Variants in METTL25 observed in about 807,000 individuals in gnomAD.
METTL25 encodes the protein probable methyltransferase-like protein 25.
Under a neutral mutation model 71.6 loss-of-function variants are expected in METTL25, and 64 were observed. The observed-to-expected ratio is 0.89, with a 90% CI of 0.73 to 1.10. The LOEUF is 1.10. Ranked by LOEUF, METTL25 falls within the 50% of genes least tolerant of loss-of-function variation. The pLI, the probability that METTL25 is intolerant of heterozygous loss-of-function variation, is 0.00. For synonymous variants in METTL25, 287 were observed against 250.3 expected, an observed-to-expected ratio of 1.15 and a Z score of -1.38; for missense variants, 807 against 707.0, an observed-to-expected ratio of 1.14 and a Z score of -1.60.
chr12:82,470,710 C>T (rs377699862), intron 9 of METTL25, among the ~76,000 whole-genome samples: 8 of 152,236 alleles, frequency 5.3e-5, no homozygotes, highest in African/African-American at 1.9e-4. Flanking sequence ...GCCTTCAAAC[C>T]ACTTATATAT....
At chr12:82,422,525 A>T (rs1052388663) in intron 5 of METTL25, among the ~76,000 whole-genome samples, 5 of 152,174 alleles carry the variant, frequency 3.3e-5, no homozygotes, top group African/African-American at 1.2e-4. Flanking sequence ...TATTCAACAT[A>T]GTGTTGGAAG....
intron 2 of METTL25, among the ~76,000 whole-genome samples, chr12:82,389,239 CAT>C (rs1885348191): frequency 6.6e-6 from 1 of 152,096 alleles, no homozygotes; most frequent in African/African-American, 2.4e-5. Context: ...AAACTAGCCA[CAT>C]GTGGCTGTTG....
At chr12:82,442,631 G>A (rs1361483052) in intron 8 of METTL25, among the ~76,000 whole-genome samples, 1 of 152,118 alleles carries the variant, frequency 6.6e-6, no homozygotes, top group East Asian at 1.9e-4. Context: ...AGTGATCCTT[G>A]TGGTGATGGA....
At chr12:82,397,773 G>T (rs903066208) in intron 3 of METTL25, among the ~76,000 whole-genome samples, 8 of 151,680 alleles carry the variant, frequency 5.3e-5, no homozygotes, top group African/African-American at 7.3e-5. Context: ...TTTCTGTACT[G>T]TTTTTTCCCA....
rs370589681 is a variant in METTL25 at position 82,462,304 on chromosome 12, A to T, written c.1572+5484A>T. On this transcript the variant is annotated intron_variant, in intron 9 of 11. Transcript: ENST00000248306. ...ACAGTGCTATAGACTGCTAGAACTT[A>T]ATTCTCTTATCTAGCTATAATTTTG... is the stretch of plus-strand genomic sequence containing the variant. Among the ~76,000 whole-genome samples the T allele has an allele frequency of 1.7e-4, 26 of 152,284 alleles. 1 individual carries two copies. The South Asian group carries it at 5.2e-3, about 30-fold the overall frequency.
At chr12:82,420,936 A>G (rs1318045828) in intron 5 of METTL25, among the ~76,000 whole-genome samples, 1 of 151,874 alleles carries the variant, frequency 6.6e-6, no homozygotes, top group Non-Finnish European at 1.5e-5. Flanking sequence ...GCTCACTGCA[A>G]CCTCCACCTC....
chr12:82,438,272 A>G (rs1489754465), intron 7 of METTL25, among the ~76,000 whole-genome samples: 3 of 151,560 alleles, frequency 2.0e-5, no homozygotes, highest in Non-Finnish European at 3.0e-5. Context: ...TAGGGTAGTT[A>G]TTTCTTTCTT....
chr12:82,424,260 A>G (rs1040221144), intron 5 of METTL25, among the ~76,000 whole-genome samples: 4 of 152,270 alleles, frequency 2.6e-5, no homozygotes, highest in African/African-American at 9.6e-5. Flanking sequence ...GCTGGAAACC[A>G]TCATTCTCAG....
chr12:82,467,158 A>G (rs1015053410), intron 9 of METTL25, among the ~76,000 whole-genome samples: 6 of 151,652 alleles, frequency 4.0e-5, no homozygotes, highest in African/African-American at 7.3e-5. Context: ...CTGCCAGTTC[A>G]TATGTTTAAA....
At chr12:82,397,764 TTCTG>T (rs1478482554) in intron 3 of METTL25, among the ~76,000 whole-genome samples, 1 of 151,980 alleles carries the variant, frequency 6.6e-6, no homozygotes, top group Non-Finnish European at 1.5e-5. Context: ...GTGGATCTAT[TTCTG>T]TACTGTTTTT....
intron 3 of METTL25, among the ~76,000 whole-genome samples, chr12:82,394,284 AC>A (rs1885883446): frequency 6.6e-6 from 1 of 151,968 alleles, no homozygotes; most frequent in Admixed American, 6.6e-5. Flanking sequence ...ACTGAATGGG[AC>A]TGTTGAAGTC....
At chr12:82,462,326 T>C (rs1891936717) in intron 9 of METTL25, among the ~76,000 whole-genome samples, 1 of 152,154 alleles carries the variant, frequency 6.6e-6, no homozygotes, top group Non-Finnish European at 1.5e-5. Context: ...TAGCTATAAT[T>C]TTGTATTCTT....
intron 5 of METTL25, among the ~76,000 whole-genome samples, chr12:82,406,455 A>G (rs1416039287): frequency 1.3e-5 from 2 of 152,136 alleles, no homozygotes; most frequent in Non-Finnish European, 2.9e-5. Flanking sequence ...CCTTTTTTCC[A>G]CATAATATAT....
chr12:82,385,520 A>G (rs867350485), intron 1 of METTL25, among the ~76,000 whole-genome samples: 10 of 152,148 alleles, frequency 6.6e-5, no homozygotes, highest in African/African-American at 1.9e-4. Context: ...TTAATTTTCA[A>G]TGAATGGGCC....
At chr12:82,389,460 G>C (rs1885366959) in intron 2 of METTL25, among the ~76,000 whole-genome samples, 1 of 151,850 alleles carries the variant, frequency 6.6e-6, no homozygotes, top group African/African-American at 2.4e-5. Flanking sequence ...TTTATTCTTA[G>C]ATACAAATTC....
chr12:82,401,601 T>C (rs1886625870), intron 4 of METTL25, among the ~76,000 whole-genome samples: 1 of 152,030 alleles, frequency 6.6e-6, no homozygotes, highest in South Asian at 2.1e-4. Context: ...TACTACAGGT[T>C]ATGCAATTAG....
At position 82,479,231 on chromosome 12, in the gene METTL25, A is replaced by T; in HGVS notation, c.*207A>T. ...TAATAAAAGAAGAACCTGTCATAAT[A>T]ATATAAAACAGTTGACCTACATTCC... On this transcript the variant is annotated 3_prime_UTR_variant, in exon 12 of 12. Coordinates refer to ENST00000248306, the MANE Select transcript of METTL25 (RefSeq NM_032230.3). 2 of 451,062 alleles carry T rather than the reference A, an allele frequency of 4.4e-6. No individual in the cohort carries two copies. The highest frequency in any genetic ancestry group is 7.9e-6 in the Non-Finnish European group (2 of 251,866). 27.9% of individuals were successfully genotyped at this position (451,062 alleles called of 1,614,324 possible).
intron 9 of METTL25, among the ~76,000 whole-genome samples, chr12:82,466,042 C>CA (rs1047853270): frequency 7.3e-6 from 1 of 136,768 alleles, no homozygotes; most frequent in Non-Finnish European, 1.6e-5. Flanking sequence ...TTTATCTTTT[C>CA]AAAAAAACAA....
At chr12:82,398,750 C>T in intron 3 of METTL25, 45 bp from the exon 4 acceptor site, 2 of 1,319,048 alleles carry the variant, frequency 1.5e-6, no homozygotes, top group Non-Finnish European at 2.0e-6. Flanking sequence ...TTTCTATTAC[C>T]ATTTGCCTAA....
Sources: allele counts gnomAD v4.1 joint callset (sites outside exome capture counted in the v4.1 genomes callset), GRCh38; gene constraint gnomAD v4.1.1; transcripts MANE v1.5; gene names NCBI Gene and HGNC (gene_info 2026-07-23, HGNC 2026-07-21).